Variants in MAST2 observed in about 807,000 individuals in gnomAD.
MAST2 encodes the protein microtubule-associated serine/threonine-protein kinase 2.
Under a neutral mutation model 147.4 loss-of-function variants are expected in MAST2, and 70 were observed. The observed-to-expected ratio is 0.47, with a 90% CI of 0.39 to 0.58. The LOEUF is 0.58. MAST2 is among the 20% of genes least tolerant of loss of function. MAST2 has a pLI of 0.00. For synonymous variants in MAST2, 869 were observed against 896.8 expected, an observed-to-expected ratio of 0.97 and a Z score of 0.55; for missense variants, 2,080 against 2,302.3, an observed-to-expected ratio of 0.90 and a Z score of 1.98.
At chr1:45,904,315 A>C (rs1650294149) in intron 4 of MAST2, among the ~76,000 whole-genome samples, 1 of 151,950 alleles carries the variant, frequency 6.6e-6, no homozygotes, top group South Asian at 2.1e-4. Context: ...CTGGGATTAC[A>C]GGCGCCTGCC....
chr1:45,904,989 A>G (rs913920929), intron 4 of MAST2, among the ~76,000 whole-genome samples: 6 of 150,580 alleles, frequency 4.0e-5, no homozygotes, highest in Non-Finnish European at 5.9e-5. Context: ...TTTTAACTTT[A>G]TTATAAATAG....
At chr1:45,990,194 A>C (rs1019150802) in intron 5 of MAST2, among the ~76,000 whole-genome samples, 1 of 152,208 alleles carries the variant, frequency 6.6e-6, no homozygotes, top group African/African-American at 2.4e-5. Flanking sequence ...TCCTACTAAC[A>C]ATAACAAGAG....
At chr1:46,024,156 A>G in intron 15 of MAST2, 176 bp downstream of exon 15, 1 of 626,572 alleles carries the variant, frequency 1.6e-6, no homozygotes, top group Non-Finnish European at 2.8e-6. Context: ...AGTGGGCACA[A>G]AGCTCCCTGC....
intron 1 of MAST2, among the ~76,000 whole-genome samples, chr1:45,806,048 G>A (rs1644131804): frequency 6.6e-6 from 1 of 152,082 alleles, no homozygotes; most frequent in Non-Finnish European, 1.5e-5. Context: ...CTTTTTTATT[G>A]AGGTTTGACA....
At chr1:46,000,917 G>A (rs1645248097) in intron 6 of MAST2, 2 of 1,275,418 alleles carry the variant, frequency 1.6e-6, no homozygotes, top group Non-Finnish European at 2.0e-6. Flanking sequence ...ACTCTCTCTG[G>A]TTCCTTTGGT....
intron 3 of MAST2, among the ~76,000 whole-genome samples, chr1:45,860,545 C>T (rs1204422386): frequency 1.3e-5 from 2 of 152,076 alleles, no homozygotes; most frequent in Middle Eastern, 3.4e-3. Context: ...CATCTTACTA[C>T]TCTTGGCCGG....
chr1:45,938,804 G>T (rs1050700964), intron 4 of MAST2, among the ~76,000 whole-genome samples: 2 of 151,964 alleles, frequency 1.3e-5, no homozygotes, highest in Admixed American at 6.6e-5. Context: ...TTCCCTAATG[G>T]GTAATGATCT....
At chr1:45,927,436 G>T (rs1654559363) in intron 4 of MAST2, among the ~76,000 whole-genome samples, 1 of 152,148 alleles carries the variant, frequency 6.6e-6, no homozygotes, top group Non-Finnish European at 1.5e-5. Context: ...ACGCCCAGGG[G>T]GGCTGTTTAT....
intron 3 of MAST2, among the ~76,000 whole-genome samples, chr1:45,868,776 C>T (rs1646263885): frequency 6.6e-6 from 1 of 152,022 alleles, no homozygotes; most frequent in Admixed American, 6.6e-5. Context: ...CTTCAAGAAC[C>T]AGGTAGATTT....
intron 3 of MAST2, among the ~76,000 whole-genome samples, chr1:45,838,952 T>C (rs1468456720): frequency 6.6e-6 from 1 of 152,030 alleles, no homozygotes; most frequent in Non-Finnish European, 1.5e-5. Flanking sequence ...AACATTTTTG[T>C]GTATTGGAAG....
intron 5 of MAST2, among the ~76,000 whole-genome samples, chr1:45,978,022 C>G (rs922171209): frequency 6.6e-6 from 1 of 151,986 alleles, no homozygotes; most frequent in African/African-American, 2.4e-5. Context: ...TCGAGACCAG[C>G]CTGGGCAACA....
At chr1:45,878,245 C>T (rs531341623) in intron 3 of MAST2, among the ~76,000 whole-genome samples, 2 of 147,640 alleles carry the variant, frequency 1.4e-5, no homozygotes, top group East Asian at 3.9e-4. Flanking sequence ...CTCAGAAATG[C>T]AAAATTAGTT....
At chr1:45,914,365 T>C (rs1422765248) in intron 4 of MAST2, among the ~76,000 whole-genome samples, 3 of 152,148 alleles carry the variant, frequency 2.0e-5, no homozygotes, top group Admixed American at 1.3e-4. Flanking sequence ...ATTTCTATAT[T>C]GGCCAATATA....
intron 5 of MAST2, among the ~76,000 whole-genome samples, chr1:45,979,817 AT>A (rs1387079194): frequency 2.6e-5 from 4 of 152,144 alleles, no homozygotes; most frequent in African/African-American, 4.8e-5. Context: ...GGGTGACAGA[AT>A]AAGACCCTAC....
chr1:45,938,422 C>T (rs1446748047), intron 4 of MAST2, among the ~76,000 whole-genome samples: 1 of 152,138 alleles, frequency 6.6e-6, no homozygotes, highest in African/African-American at 2.4e-5. Flanking sequence ...CTCCTGGGCT[C>T]AGGGAATCCT....
At chr1:45,817,558 G>C (rs973092052) in intron 1 of MAST2, among the ~76,000 whole-genome samples, 1 of 152,148 alleles carries the variant, frequency 6.6e-6, no homozygotes, top group Admixed American at 6.6e-5. Context: ...CACCAGACCT[G>C]TCCCACACAA....
chr1:45,978,709 A>G (rs898152738), intron 5 of MAST2, among the ~76,000 whole-genome samples: 9 of 152,236 alleles, frequency 5.9e-5, no homozygotes, highest in African/African-American at 2.2e-4. Flanking sequence ...TAAAGTACAG[A>G]AACAAGCAAA....
At chr1:45,951,770 C>T (rs1658963949) in intron 4 of MAST2, among the ~76,000 whole-genome samples, 1 of 152,034 alleles carries the variant, frequency 6.6e-6, no homozygotes, top group Non-Finnish European at 1.5e-5. Flanking sequence ...ATCAAGAGTG[C>T]AAGACAGAAA....
At chr1:45,964,959 C>T (rs990982436) in intron 5 of MAST2, among the ~76,000 whole-genome samples, 5 of 152,202 alleles carry the variant, frequency 3.3e-5, no homozygotes, top group Admixed American at 3.3e-4. Context: ...TTTATTTCTG[C>T]CTTCATTTCG....
Sources: gnomAD v4.1 joint callset for allele counts (sites outside exome capture counted in the v4.1 genomes callset) on GRCh38, gnomAD v4.1.1 for gene constraint, MANE v1.5 for transcripts, NCBI Gene and HGNC (gene_info 2026-07-23, HGNC 2026-07-21) for gene names.